Variants in TENT4A observed in about 807,000 individuals in gnomAD.
TENT4A encodes the protein terminal nucleotidyltransferase 4A, also known as DNA polymerase kappa.
TENT4A carries 7 observed loss-of-function variants against 72.8 expected under a neutral mutation model. That is an observed-to-expected ratio of 0.10 (90% CI 0.05 to 0.18). TENT4A has a LOEUF of 0.18. TENT4A is among the 10% of genes least tolerant of loss of function. The pLI is 1.00. For missense variants in TENT4A, 831 were observed against 1,017.7 expected (o/e 0.82, Z 2.50); for synonymous variants, 456 against 434.3 (o/e 1.05, Z -0.62).
rs1742487235 is a variant in TENT4A, at chr5:6,752,883, C to G, written c.2030C>G (p.Thr677Ser). 1 of 1,613,492 alleles carries G rather than the reference C, an allele frequency of 6.2e-7. No individual in the cohort carries two copies. The highest frequency in any genetic ancestry group is 1.7e-5 in the Admixed American group (1 of 59,990). The change falls in exon 12 of 13, where the codon ACT becomes AGT. Residue 677 changes from threonine to serine, a missense_variant. Thr to Ser is a moderately conservative substitution (Grantham distance 58). This residue lies in a region of TENT4A where 332 missense variants were observed against 324.3 expected (regional missense o/e 1.02). Coordinates refer to ENST00000230859, the MANE Select transcript of TENT4A (RefSeq NM_006999.6). ...TCATTTTGTTCCTAGACCAGGTTTA[C>G]TATACCTCCACCGACCCTAGGGGTT... is the stretch of plus-strand genomic sequence containing the variant. ...IMTTNNQTRFTIPPPTLGVAP... is the reference protein window; with the variant it reads ...IMTTNNQTRFSIPPPTLGVAP...
At chr5:6,753,771 G>C (rs1742542463) in intron 12 of TENT4A, among the ~76,000 whole-genome samples, 1 of 152,198 alleles carries the variant, frequency 6.6e-6, no homozygotes, top group Non-Finnish European at 1.5e-5. Context: ...TTTTATTCTT[G>C]AGGCTTTGTT....
chr5:6,754,747 C>G lies in TENT4A; in HGVS notation c.2185-4C>G, dbSNP rs373237213. On this transcript the variant is annotated splice_polypyrimidine_tract_variant and splice_region_variant and intron_variant, in intron 12 of 12. Transcript: ENST00000230859. ...CCAACACTGCTGTCTCTCTCTTTCT[C>G]CAGCAGCACAACGGCATGAAACTGT... The G allele has an allele frequency of 4.5e-5, 71 of 1,566,310 alleles. No individual in the cohort carries two copies. In the African/African-American group the frequency reaches 8.9e-4, roughly 20 times the overall value.
intron 1 of TENT4A, among the ~76,000 whole-genome samples, chr5:6,719,990 C>T (rs1486894390): frequency 1.3e-5 from 2 of 152,148 alleles, no homozygotes; most frequent in Admixed American, 6.5e-5. Context: ...CCAGCACATT[C>T]CTGTTATTGT....
chr5:6,738,795 G>A (rs1472754758), intron 3 of TENT4A, 66 bp downstream of exon 3: 1 of 1,131,240 alleles, frequency 8.8e-7, no homozygotes, highest in African/African-American at 1.5e-5. Flanking sequence ...AATATTAAGG[G>A]CTACAAATAG....
intron 9 of TENT4A, among the ~76,000 whole-genome samples, chr5:6,749,883 A>G (rs1458074913): frequency 6.6e-6 from 1 of 152,238 alleles, no homozygotes; most frequent in Admixed American, 6.5e-5. Context: ...GTCAAATGTG[A>G]AAAGAAACAG....
chr5:6,739,154 G>A (rs559940120), intron 3 of TENT4A, among the ~76,000 whole-genome samples: 21 of 152,168 alleles, frequency 1.4e-4, no homozygotes, highest in Non-Finnish European at 2.9e-4. Flanking sequence ...AAACAAGTTT[G>A]CATTCTAAAA....
intron 11 of TENT4A, 135 bp downstream of exon 11, chr5:6,751,332 G>C (rs1052767368): frequency 3.4e-6 from 3 of 880,380 alleles, no homozygotes; most frequent in Middle Eastern, 2.7e-4. Context: ...TTGGTGTGTT[G>C]TTCTAGGAAA....
chr5:6,755,065 G>A lies in TENT4A; in HGVS notation c.*120G>A, dbSNP rs576352088. 12 of 784,856 alleles carry A rather than the reference G, an allele frequency of 1.5e-5. No homozygotes were observed. The East Asian group carries it at 2.2e-4, about 15-fold the overall frequency. 48.6% of individuals were successfully genotyped at this position (784,856 alleles called of 1,614,324 possible). A position where few individuals can be genotyped will look rare whatever the true frequency, so the allele number is the denominator to read the frequency against. On this transcript the variant is annotated 3_prime_UTR_variant, in exon 13 of 13. Transcript: ENST00000230859. ...CAGCCGGGCTCGCGGCACGCCCGCCGCTGATCACTCTGCATGTTTCTTCGT... is the reference window on the plus strand; with the variant it reads ...CAGCCGGGCTCGCGGCACGCCCGCCACTGATCACTCTGCATGTTTCTTCGT...
intron 4 of TENT4A, among the ~76,000 whole-genome samples, chr5:6,741,447 T>C (rs1273774775): frequency 6.6e-6 from 1 of 152,156 alleles, no homozygotes; most frequent in Admixed American, 6.6e-5. Flanking sequence ...GGAGTGATTG[T>C]GGGAAGGAGT....
intron 1 of TENT4A, among the ~76,000 whole-genome samples, chr5:6,723,194 G>A (rs1341002670): frequency 1.3e-5 from 2 of 152,316 alleles, no homozygotes; most frequent in East Asian, 1.9e-4. Context: ...TCAAAAAGCC[G>A]CTGTTTTAAT....
At position 6,742,480 on chromosome 5, in the gene TENT4A, ATC is replaced by A; in HGVS notation, c.1009-8_1009-7del. ...ATGTTAAAGCAGTTTTTAAAATGAA[ATC>A]TTTACAGGTACCAATAATAAAGCTC... On this transcript the variant is annotated splice_region_variant and splice_polypyrimidine_tract_variant and intron_variant, in intron 4 of 12. Transcript: ENST00000230859. 1 of 1,573,062 alleles carries A rather than the reference ATC, an allele frequency of 6.4e-7. No homozygotes were observed. Among genetic ancestry groups the A allele is most frequent in the South Asian group, 1.1e-5 (1 of 90,292 alleles).
intron 5 of TENT4A, 73 bp from the exon 6 acceptor site, chr5:6,743,639 G>A (rs1741941108): frequency 8.2e-7 from 1 of 1,217,988 alleles, no homozygotes; most frequent in South Asian, 1.4e-5. Context: ...TCTGTCTTGT[G>A]TGATTTGCTA....
rs1042376699 is a variant in TENT4A, at chr5:6,714,468, C to A, written c.485C>A (p.Thr162Lys). ...FADGAPSAPG[T>K]ANGHPGPRGP... ...GACGGCGCGCCCAGCGCCCCTGGCA[C>A]AGCCAACGGGCACCCCGGGCCGCGC... Residue 162 changes from threonine to lysine, a missense_variant, in exon 1 of 13, where the codon ACA (threonine) becomes AAA (lysine). Physicochemically the swap from Thr to Lys is moderately conservative, Grantham distance 78 (BLOSUM62 -1). Around this residue, in one of 3 missense-constraint regions of TENT4A, gnomAD observed 302 missense variants for 293.8 expected, o/e 1.03. Transcript: ENST00000230859. The A allele has an allele frequency of 1.7e-6, 2 of 1,181,404 alleles. No homozygotes were observed. Among genetic ancestry groups the A allele is most frequent in the Non-Finnish European group, 2.1e-6 (2 of 955,788 alleles). 73.2% of individuals were successfully genotyped at this position (1,181,404 alleles called of 1,614,324 possible).
At chr5:6,714,769 C>A in intron 1 of TENT4A, 70 bp downstream of exon 1, 1 of 898,896 alleles carries the variant, frequency 1.1e-6, no homozygotes. Flanking sequence ...GCGGTGCAGA[C>A]ACCCGTCCCA....
rs1742628880 is a variant in TENT4A at position 6,755,203 on chromosome 5, G to T, written c.*258G>T. On this transcript the variant is annotated 3_prime_UTR_variant, in exon 13 of 13. Coordinates refer to ENST00000230859, the MANE Select transcript of TENT4A (RefSeq NM_006999.6). Reference sequence around the variant, plus strand: ...GGATTCTTCCTTCAGTGCTGAGGCAGGTCGGGCTCAGGAACTGCAGGGACG... The same window carrying T: ...GGATTCTTCCTTCAGTGCTGAGGCATGTCGGGCTCAGGAACTGCAGGGACG... 5.3e-6 allele frequency: 2 copies of T among 375,994 alleles called. No individual in the cohort carries two copies. Among genetic ancestry groups the T allele is most frequent in the Non-Finnish European group, 9.6e-6 (2 of 209,198 alleles). The allele number at this position is 375,994 out of a possible 1,614,324, so 23.3% of individuals were successfully genotyped here.
intron 1 of TENT4A, among the ~76,000 whole-genome samples, chr5:6,723,293 G>A (rs774821711): frequency 1.5e-5 from 2 of 133,224 alleles, no homozygotes; most frequent in Admixed American, 7.7e-5. Context: ...CTCCAGTCCA[G>A]CATGCAGGTG....
At chr5:6,714,755 G>GCCCGCGGTCCTGGCCGGCT in intron 1 of TENT4A, 56 bp downstream of exon 1, 1 of 1,048,508 alleles carries the variant, frequency 9.5e-7, no homozygotes. Flanking sequence ...CCTGGCCGGC[G>GCCCGCGGTCCTGGCCGGCT]CCCGCGGTGC....
intron 10 of TENT4A, 115 bp downstream of exon 10, chr5:6,750,618 T>A: frequency 9.8e-7 from 1 of 1,025,222 alleles, no homozygotes; most frequent in Non-Finnish European, 1.4e-6. Context: ...TGTTTCCTTG[T>A]ATGTGTGTGG....
At chr5:6,739,600 A>G (rs1741693461) in intron 3 of TENT4A, 132 bp from the exon 4 acceptor site, 2 of 1,051,160 alleles carry the variant, frequency 1.9e-6, no homozygotes, top group Non-Finnish European at 2.8e-6. Flanking sequence ...CTTAGGGGCC[A>G]TAGGCTAGTG....
Sources: allele counts gnomAD v4.1 joint callset (sites outside exome capture counted in the v4.1 genomes callset), GRCh38; gene constraint gnomAD v4.1.1; regional missense constraint gnomAD v4.1.1; transcripts MANE v1.5; gene names NCBI Gene and HGNC (gene_info 2026-07-23, HGNC 2026-07-21).